NAALADL2: variants seen among roughly 807,000 people sequenced by gnomAD.
NAALADL2 encodes inactive N-acetylated-alpha-linked acidic dipeptidase-like protein 2.
A neutral mutation model predicts 87.2 loss-of-function variants in NAALADL2; 76 were observed. The observed-to-expected ratio is 0.87, with a 90% CI of 0.72 to 1.05. NAALADL2 has a LOEUF of 1.05. Among genes scored for constraint, NAALADL2 ranks in the 50% least tolerant of loss-of-function variants. NAALADL2 has a pLI of 0.00. For synonymous variants in NAALADL2, 354 were observed against 331.0 expected (o/e 1.07, Z -0.75); for missense variants, 1,089 against 945.8 (o/e 1.15, Z -1.99).
At position 174,657,966 on chromosome 3, in the gene NAALADL2, C is replaced by T. The variant is rs1018630224; in HGVS notation, c.-114-79675C>T. Among the ~76,000 whole-genome samples, 6 of 152,120 alleles carry T rather than the reference C, an allele frequency of 3.9e-5. No individual in the cohort carries two copies. The East Asian group carries it at 7.7e-4, about 20-fold the overall frequency. ...ATTTTCATAGCTCATTTCTTTTTAA[C>T]GCCATCTAATTCATGAATAATACCC... On this transcript the variant is annotated intron_variant, in intron 2 of 3. Transcript: ENST00000434257.
At chr3:175,697,799 GTA>G (rs1032329180) in intron 11 of NAALADL2, among the ~76,000 whole-genome samples, 2 of 140,176 alleles carry the variant, frequency 1.4e-5, no homozygotes, top group African/African-American at 5.3e-5. Context: ...GTGTATATAT[GTA>G]TATATATTTA....
At chr3:174,946,869 G>T (rs1390614810) in intron 1 of NAALADL2, among the ~76,000 whole-genome samples, 2 of 152,218 alleles carry the variant, frequency 1.3e-5, no homozygotes, top group Admixed American at 1.3e-4. Context: ...TTGAACATAT[G>T]AACATTTCTA....
chr3:175,235,981 C>T (rs1208665948), intron 3 of NAALADL2, among the ~76,000 whole-genome samples: 1 of 152,092 alleles, frequency 6.6e-6, no homozygotes, highest in East Asian at 1.9e-4. Flanking sequence ...AAAAACCCTC[C>T]CTCAATGCCC....
At chr3:174,903,112 A>G (rs1478271899) in intron 1 of NAALADL2, among the ~76,000 whole-genome samples, 1 of 152,098 alleles carries the variant, frequency 6.6e-6, no homozygotes, top group African/African-American at 2.4e-5. Context: ...TTGTTTTAAT[A>G]GAATGTAAAA....
intron 1 of NAALADL2, among the ~76,000 whole-genome samples, chr3:174,952,404 C>A (rs1740505586): frequency 6.6e-6 from 1 of 152,042 alleles, no homozygotes; most frequent in African/African-American, 2.4e-5. Context: ...TTATTTTCCC[C>A]ACTTTAGACA....
intron 10 of NAALADL2, among the ~76,000 whole-genome samples, chr3:175,604,066 T>A (rs1171817469): frequency 3.3e-5 from 5 of 152,246 alleles, no homozygotes; most frequent in Admixed American, 2.0e-4. Flanking sequence ...TATCCAGAAG[T>A]AGAATTTCTG....
At chr3:174,741,104 C>G (rs1161592475) in intron 3 of NAALADL2, among the ~76,000 whole-genome samples, 1 of 151,742 alleles carries the variant, frequency 6.6e-6, no homozygotes, top group Non-Finnish European at 1.5e-5. Context: ...CACTCATGAT[C>G]TGTACATTTC....
chr3:175,522,547 G>A (rs1732796662), intron 9 of NAALADL2, among the ~76,000 whole-genome samples: 1 of 152,170 alleles, frequency 6.6e-6, no homozygotes, highest in African/African-American at 2.4e-5. Context: ...CAGAATAGGA[G>A]GTGAGATATG....
chr3:174,622,403 GA>G (rs1444878914), intron 2 of NAALADL2, among the ~76,000 whole-genome samples: 1 of 152,138 alleles, frequency 6.6e-6, no homozygotes, highest in Non-Finnish European at 1.5e-5. Flanking sequence ...ATTTGTTAAA[GA>G]AATACAAGAA....
chr3:175,461,135 A>G (rs1202586669), intron 6 of NAALADL2, among the ~76,000 whole-genome samples: 1 of 151,710 alleles, frequency 6.6e-6, no homozygotes, highest in East Asian at 1.9e-4. Flanking sequence ...TGCATTTACA[A>G]TCCTTTAGCT....
intron 4 of NAALADL2, among the ~76,000 whole-genome samples, chr3:175,314,829 T>A (rs1434941393): frequency 6.7e-6 from 1 of 150,364 alleles, no homozygotes; most frequent in Non-Finnish European, 1.5e-5. Context: ...CCATATACAG[T>A]ATGTTTTTCA....
At chr3:175,376,032 G>T (rs1176039409) in intron 5 of NAALADL2, among the ~76,000 whole-genome samples, 1 of 151,952 alleles carries the variant, frequency 6.6e-6, no homozygotes, top group Non-Finnish European at 1.5e-5. Flanking sequence ...CTTCATGACT[G>T]TATACTTTCA....
chr3:174,666,780 T>A (rs1362475969), intron 2 of NAALADL2, among the ~76,000 whole-genome samples: 2 of 152,176 alleles, frequency 1.3e-5, no homozygotes, highest in African/African-American at 4.8e-5. Context: ...AACAAAACTC[T>A]AGAATTTTTT....
At chr3:175,368,564 TGTGTGTGA>T (rs1443541730) in intron 5 of NAALADL2, among the ~76,000 whole-genome samples, 5 of 145,002 alleles carry the variant, frequency 3.4e-5, no homozygotes, top group East Asian at 2.1e-4. Context: ...CTGTAGCAGG[TGTGTGTGA>T]GTGTGTGTGT....
At chr3:174,812,507 T>G (rs1720328385) in intron 3 of NAALADL2, among the ~76,000 whole-genome samples, 1 of 152,240 alleles carries the variant, frequency 6.6e-6, no homozygotes, top group African/African-American at 2.4e-5. Flanking sequence ...GTATTTAATA[T>G]ACTATACTTT....
At chr3:175,757,727 A>T (rs1341504612) in intron 13 of NAALADL2, among the ~76,000 whole-genome samples, 2 of 151,980 alleles carry the variant, frequency 1.3e-5, no homozygotes, top group Non-Finnish European at 2.9e-5. Flanking sequence ...TTCCTTGATG[A>T]GGTATATTCT....
At chr3:175,763,488 A>G (rs917139405) in intron 13 of NAALADL2, among the ~76,000 whole-genome samples, 2 of 152,132 alleles carry the variant, frequency 1.3e-5, no homozygotes, top group Non-Finnish European at 2.9e-5. Context: ...TCACCCATAC[A>G]CTAGCTTACA....
chr3:175,127,437 T>C (rs984635027), intron 2 of NAALADL2, among the ~76,000 whole-genome samples: 2 of 152,134 alleles, frequency 1.3e-5, no homozygotes, highest in African/African-American at 4.8e-5. Context: ...GGGACACCTT[T>C]GGGCATCATA....
At chr3:174,467,840 A>G (rs949869831) in intron 1 of NAALADL2, among the ~76,000 whole-genome samples, 4 of 152,124 alleles carry the variant, frequency 2.6e-5, no homozygotes, top group African/African-American at 9.6e-5. Flanking sequence ...TTTATATCAC[A>G]TAAAATATCT....
Sources: allele counts gnomAD v4.1 joint callset (sites outside exome capture counted in the v4.1 genomes callset), GRCh38; gene constraint gnomAD v4.1.1; transcripts MANE v1.5; gene names NCBI Gene and HGNC (gene_info 2026-07-23, HGNC 2026-07-21).